Variants in HK1 observed in about 807,000 individuals in gnomAD.
HK1 encodes hexokinase-1.
Under a neutral mutation model 91.6 loss-of-function variants are expected in HK1, and 28 were observed. The ratio of observed to expected loss-of-function variants is 0.31; its 90% CI spans 0.23 to 0.42. The LOEUF (loss-of-function observed/expected upper bound fraction) is 0.42. HK1 is among the 10% of genes least tolerant of loss of function. The probability of loss-of-function intolerance (pLI) is 1.00; values close to 1 mark genes in which losing one functional copy is unlikely to be tolerated. For synonymous variants in HK1, 430 were observed against 468.1 expected (o/e 0.92, Z 1.05); for missense variants, 770 against 1,219.8 (o/e 0.63, Z 5.49).
intron 4 of HK1, among the ~76,000 whole-genome samples, chr10:69,299,134 T>C (rs11818779): frequency 0.021 from 3,244 of 150,984 alleles, 199 homozygotes; most frequent in African/African-American, 0.074. Flanking sequence ...AATGAAAGTA[T>C]AATTTACTAC....
At chr10:69,336,030 A>G (rs967752399) in intron 1 of HK1, among the ~76,000 whole-genome samples, 10 of 152,248 alleles carry the variant, frequency 6.6e-5, no homozygotes, top group Admixed American at 5.2e-4. Context: ...GTGTTTGTTT[A>G]GGGAGGAAGA....
chr10:69,318,298 C>A, upstream of HK1: 1 of 870,282 alleles, frequency 1.1e-6, no homozygotes, highest in Non-Finnish European at 1.4e-6. Context: ...GACTGCGTAG[C>A]GTCCCCGGCT....
intron 7 of HK1, among the ~76,000 whole-genome samples, chr10:69,372,038 G>A (rs1850033553): frequency 6.6e-6 from 1 of 152,208 alleles, no homozygotes; most frequent in South Asian, 2.1e-4. Flanking sequence ...TGTAGCTGGG[G>A]AAGCCTCATA....
chr10:69,288,752 G>A (rs1845142850), exon 3 of HK1: 8 of 1,613,896 alleles, frequency 5.0e-6, no homozygotes, highest in Non-Finnish European at 6.8e-6. Flanking sequence ...CAATGGGGCA[G>A]ATCTGCCAGC....
chr10:69,350,199 T>A (rs1848774122), intron 2 of HK1, among the ~76,000 whole-genome samples: 2 of 152,292 alleles, frequency 1.3e-5, no homozygotes, highest in Admixed American at 1.3e-4. Context: ...ACAAGATGGG[T>A]GACTTGGGAT....
At chr10:69,363,481 G>A (rs1259747812) in intron 3 of HK1, among the ~76,000 whole-genome samples, 1 of 152,088 alleles carries the variant, frequency 6.6e-6, no homozygotes, top group Non-Finnish European at 1.5e-5. Context: ...TGGGCTCAGG[G>A]GATCATCTCA....
chr10:69,287,271 C>T (rs572801417), intron 2 of HK1, among the ~76,000 whole-genome samples: 2 of 152,042 alleles, frequency 1.3e-5, no homozygotes, highest in Non-Finnish European at 2.9e-5. Flanking sequence ...AGGAGAGGTG[C>T]AGGGTGAAGG....
intron 1 of HK1, 111 bp from the exon 2 acceptor site, chr10:69,343,716 A>G (rs931868679): frequency 7.4e-6 from 6 of 815,872 alleles, no homozygotes; most frequent in Admixed American, 1.7e-5. Context: ...GCGATGTGCC[A>G]GCGTGCGTGT....
intron 2 of HK1, among the ~76,000 whole-genome samples, chr10:69,347,644 C>A (rs1848636146): frequency 1.3e-5 from 2 of 151,930 alleles, no homozygotes; most frequent in Non-Finnish European, 2.9e-5. Flanking sequence ...CCATGTTGGC[C>A]AGACTGGTCT....
upstream of HK1, among the ~76,000 whole-genome samples, chr10:69,312,085 G>A (rs117447349): frequency 9.7e-3 from 1,480 of 152,298 alleles, 16 homozygotes; most frequent in Non-Finnish European, 0.013. Context: ...AGCCACTGCA[G>A]GGTGGAAGGA....
chr10:69,362,043 C>T (rs1329576968), intron 3 of HK1, among the ~76,000 whole-genome samples: 1 of 152,138 alleles, frequency 6.6e-6, no homozygotes, highest in East Asian at 1.9e-4. Flanking sequence ...TCTGGAACTG[C>T]CTGTTCAGGT....
In HK1 at chr10:69,382,748, T is replaced by C; in HGVS notation, c.1527T>C (p.Val509=). Reference sequence around the variant, plus strand: ...AGCAGACGCACAACAATGCCGTGGTTAAGATGCTGCCCTCCTTCGTCCGGA... The same window carrying C: ...AGCAGACGCACAACAATGCCGTGGTCAAGATGCTGCCCTCCTTCGTCCGGA... ...LRKQTHNNAV[V]KMLPSFVRRT... Residue 509 remains valine (V), a synonymous_variant, in exon 10 of 18, where the codon GTT becomes GTC. Transcript: ENST00000359426. 2 of 1,613,140 alleles carry C rather than the reference T, an allele frequency of 1.2e-6. No homozygotes were observed. Among genetic ancestry groups the C allele is most frequent in the Non-Finnish European group, 1.7e-6 (2 of 1,179,816 alleles).
chr10:69,322,811 AC>A lies in HK1; in HGVS notation c.63+3803del, dbSNP rs573408516. Among the ~76,000 whole-genome samples, 13 of 151,316 alleles carry A rather than the reference AC, an allele frequency of 8.6e-5. No homozygotes were observed. The South Asian group carries it at 2.7e-3, about 32-fold the overall frequency. ...AGGCTGAGGCCGGAGAATCACTTGA[AC>A]CTGGAAGGCAGAGGTTGCGGTGAGC... On this transcript the variant is annotated intron_variant, in intron 1 of 17. Coordinates refer to ENST00000359426, the MANE Select transcript of HK1 (RefSeq NM_000188.3).
At chr10:69,355,719 G>A (rs550488689) in intron 2 of HK1, among the ~76,000 whole-genome samples, 24 of 152,296 alleles carry the variant, frequency 1.6e-4, no homozygotes, top group Non-Finnish European at 2.4e-4. Context: ...CTGAACCCGG[G>A]AGGTGGAGGT....
At chr10:69,310,641 T>C (rs1006320681) in intron 5 of HK1, among the ~76,000 whole-genome samples, 5 of 152,158 alleles carry the variant, frequency 3.3e-5, no homozygotes, top group South Asian at 2.1e-4. Context: ...GAGCCAAATA[T>C]GAGCAGCCAG....
At chr10:69,291,359 T>C (rs768947527) in intron 3 of HK1, among the ~76,000 whole-genome samples, 4 of 152,194 alleles carry the variant, frequency 2.6e-5, no homozygotes, top group Non-Finnish European at 5.9e-5. Flanking sequence ...TGGACGTTGA[T>C]TTGGTCCCAT....
intron 14 of HK1, among the ~76,000 whole-genome samples, chr10:69,391,621 G>A (rs1284242272): frequency 6.6e-6 from 1 of 152,234 alleles, no homozygotes; most frequent in Non-Finnish European, 1.5e-5. Context: ...CAGCCTGGGT[G>A]ACAGAGCCAG....
intron 3 of HK1, among the ~76,000 whole-genome samples, chr10:69,289,460 A>ATTTTTTTTT (rs1564755510): frequency 3.2e-5 from 3 of 93,658 alleles, no homozygotes; most frequent in Admixed American, 2.7e-4. Flanking sequence ...TAAAAAAAAA[A>ATTTTTTTTT]ATTTTTTTTT....
intron 2 of HK1, among the ~76,000 whole-genome samples, chr10:69,283,808 A>AAAAAAAAAAAAG (rs1564751495): frequency 6.9e-6 from 1 of 144,704 alleles, no homozygotes; most frequent in African/African-American, 2.7e-5. Flanking sequence ...CAAAAAAAAA[A>AAAAAAAAAAAAG]AAAAAAAAAG....
Sources: allele counts gnomAD v4.1 joint callset (sites outside exome capture counted in the v4.1 genomes callset), GRCh38; gene constraint gnomAD v4.1.1; transcripts MANE v1.5; gene names NCBI Gene and HGNC (gene_info 2026-07-23, HGNC 2026-07-21).